The following SRGAP3 variants were observed in gnomAD, a reference collection of about 807,000 sequenced individuals.
The protein encoded by SRGAP3 is SLIT-ROBO Rho GTPase activating protein 3, also known as SLIT-ROBO Rho GTPase-activating protein 3.
SRGAP3 carries 39 observed loss-of-function variants against 121.1 expected under a neutral mutation model. The observed-to-expected ratio is 0.32, with a 90% CI of 0.25 to 0.42. The LOEUF (loss-of-function observed/expected upper bound fraction) is 0.42. SRGAP3 is among the 10% of genes least tolerant of loss of function. The probability of loss-of-function intolerance (pLI) is 1.00; values close to 1 mark genes in which losing one functional copy is unlikely to be tolerated. For synonymous variants in SRGAP3, 601 were observed against 570.0 expected (o/e 1.05, Z -0.77); for missense variants, 1,213 against 1,470.6 (o/e 0.82, Z 2.86).
intron 3 of SRGAP3, among the ~76,000 whole-genome samples, chr3:9,269,952 G>A (rs1411788178): frequency 1.3e-5 from 2 of 152,096 alleles, no homozygotes; most frequent in Admixed American, 6.6e-5. Flanking sequence ...GAAATCATAA[G>A]GAAACGGTTC....
At chr3:9,039,640 C>T (rs1415215370) in intron 10 of SRGAP3, among the ~76,000 whole-genome samples, 1 of 152,166 alleles carries the variant, frequency 6.6e-6, no homozygotes, top group Non-Finnish European at 1.5e-5. Flanking sequence ...AATAGTCACT[C>T]CCTGTTCCTG....
At chr3:9,256,551 A>G (rs1283729209) in intron 3 of SRGAP3, among the ~76,000 whole-genome samples, 2 of 151,984 alleles carry the variant, frequency 1.3e-5, no homozygotes, top group East Asian at 1.9e-4. Context: ...CAGAGTAACA[A>G]GAACAGTTTC....
chr3:9,275,696 T>C (rs79771479), intron 3 of SRGAP3, among the ~76,000 whole-genome samples: 3,910 of 152,272 alleles, frequency 0.026, 164 homozygotes, highest in African/African-American at 0.089. Context: ...TGCTGCCATG[T>C]AAGATGTGCC....
intron 10 of SRGAP3, among the ~76,000 whole-genome samples, chr3:9,043,003 G>C (rs1945094229): frequency 6.6e-6 from 1 of 152,050 alleles, no homozygotes; most frequent in Admixed American, 6.6e-5. Flanking sequence ...TCATCCTTTA[G>C]TTTCAGCTGA....
chr3:9,264,341 A>G (rs1954314240), intron 3 of SRGAP3, among the ~76,000 whole-genome samples: 1 of 152,228 alleles, frequency 6.6e-6, no homozygotes, highest in Non-Finnish European at 1.5e-5. Context: ...CACCACTCCT[A>G]TTAAACATAG....
At position 8,985,416 on chromosome 3, in the gene SRGAP3, C is replaced by T. The variant is rs1167564814; in HGVS notation, c.*103G>A. The T allele has an allele frequency of 6.4e-7, 1 of 1,550,500 alleles. No homozygotes were observed. Among genetic ancestry groups the T allele is most frequent in the Admixed American group, 1.9e-5 (1 of 53,896 alleles). ...ACACACCCTCCCAGACGGACCTCTG[C>T]CCTCCAAGGCCAGGGTCACTGGGAA... On this transcript the variant is annotated 3_prime_UTR_variant, in exon 22 of 22. Coordinates refer to ENST00000383836, the MANE Select transcript of SRGAP3 (RefSeq NM_014850.4). The surrounding 1 kb of genome is among the most constrained non-coding windows in gnomAD (Gnocchi z 5.1).
At chr3:9,111,766 A>G (rs997830776) in intron 2 of SRGAP3, among the ~76,000 whole-genome samples, 6 of 152,080 alleles carry the variant, frequency 3.9e-5, no homozygotes, top group Admixed American at 2.6e-4. Flanking sequence ...CTGCAGCCTC[A>G]TTTTTGGAAG....
At chr3:9,356,577 G>C (rs902513199) in intron 1 of SRGAP3, among the ~76,000 whole-genome samples, 2 of 151,834 alleles carry the variant, frequency 1.3e-5, no homozygotes, top group African/African-American at 4.8e-5. Flanking sequence ...GTTTCACCGT[G>C]TTAGCCAGGA....
At chr3:9,021,749 G>T (rs574385173) in intron 14 of SRGAP3, among the ~76,000 whole-genome samples, 1 of 152,310 alleles carries the variant, frequency 6.6e-6, no homozygotes, top group South Asian at 2.1e-4. Context: ...TTAACAACTG[G>T]TGAAGAATGG....
chr3:9,261,620 A>G (rs955995936), intron 3 of SRGAP3, among the ~76,000 whole-genome samples: 1 of 151,762 alleles, frequency 6.6e-6, no homozygotes, highest in African/African-American at 2.4e-5. Flanking sequence ...GATGAACTTA[A>G]TGAAATAAGC....
intron 1 of SRGAP3, among the ~76,000 whole-genome samples, chr3:9,154,529 C>A (rs983310845): frequency 2.6e-5 from 4 of 152,072 alleles, no homozygotes; most frequent in African/African-American, 7.2e-5. Context: ...CCACTCCTCT[C>A]CAGTTACTTA....
chr3:9,131,898 C>A (rs1024876986), intron 1 of SRGAP3, among the ~76,000 whole-genome samples: 1 of 152,104 alleles, frequency 6.6e-6, no homozygotes, highest in Admixed American at 6.5e-5. Flanking sequence ...CTACCCATCC[C>A]CATAACACTC....
chr3:9,259,340 A>G (rs994744953), intron 3 of SRGAP3, among the ~76,000 whole-genome samples: 4 of 152,198 alleles, frequency 2.6e-5, no homozygotes, highest in Non-Finnish European at 4.4e-5. Flanking sequence ...GTGAAATGAC[A>G]TGATCACAGA....
At chr3:9,164,067 G>A (rs538553485) in intron 1 of SRGAP3, among the ~76,000 whole-genome samples, 4 of 132,888 alleles carry the variant, frequency 3.0e-5, no homozygotes, top group East Asian at 4.3e-4. Context: ...GCGCAATTTC[G>A]GCTCACTGCA....
chr3:9,264,918 C>A (rs1055442588), intron 3 of SRGAP3, among the ~76,000 whole-genome samples: 2 of 152,270 alleles, frequency 1.3e-5, no homozygotes, highest in South Asian at 4.1e-4. Flanking sequence ...ATAGCCAAGA[C>A]AATCCTAAGC....
At chr3:9,234,401 G>A (rs976773370) in intron 1 of SRGAP3, among the ~76,000 whole-genome samples, 11 of 151,960 alleles carry the variant, frequency 7.2e-5, no homozygotes, top group Non-Finnish European at 1.6e-4. Flanking sequence ...ATGTCGCTTG[G>A]CCAGTTCACA....
chr3:9,243,612 GTGACAGAGAGAGACTCTGTCTT>G (rs1953723844), intron 1 of SRGAP3, among the ~76,000 whole-genome samples: 2 of 150,382 alleles, frequency 1.3e-5, no homozygotes, highest in South Asian at 2.1e-4. Flanking sequence ...TCCAGCCTGG[GTGACAGAGAGAGACTCTGTCTT>G]AAAAAAAAAA....
At chr3:9,231,526 A>T (rs1953211523) in intron 1 of SRGAP3, among the ~76,000 whole-genome samples, 1 of 152,192 alleles carries the variant, frequency 6.6e-6, no homozygotes, top group Non-Finnish European at 1.5e-5. Flanking sequence ...GTTTTCTGGA[A>T]GACTATCTTA....
intron 1 of SRGAP3, among the ~76,000 whole-genome samples, chr3:9,238,049 G>A (rs572683302): frequency 2.0e-5 from 3 of 152,338 alleles, no homozygotes; most frequent in South Asian, 2.1e-4. Flanking sequence ...CTGGCATCTA[G>A]TGGGTACAGG....
Sources: allele counts gnomAD v4.1 joint callset (sites outside exome capture counted in the v4.1 genomes callset), GRCh38; gene constraint gnomAD v4.1.1; non-coding constraint Gnocchi (gnomAD v3.1); transcripts MANE v1.5; gene names NCBI Gene and HGNC (gene_info 2026-07-23, HGNC 2026-07-21).